Variants in IMMP2L observed in about 807,000 individuals in gnomAD.
IMMP2L encodes the protein mitochondrial inner membrane protease subunit 2.
Under a neutral mutation model 19.3 loss-of-function variants are expected in IMMP2L, and 18 were observed. That is an observed-to-expected ratio of 0.93 (90% confidence interval 0.64 to 1.38). The LOEUF (loss-of-function observed/expected upper bound fraction) is 1.38. IMMP2L is among the 40% of genes most tolerant of loss of function. The pLI is 0.00. For missense variants in IMMP2L, 233 were observed against 218.2 expected (o/e 1.07, Z -0.43); for synonymous variants, 76 against 73.0 (o/e 1.04, Z -0.21).
chr7:111,010,899 A>C (rs1824872934), intron 3 of IMMP2L, among the ~76,000 whole-genome samples: 1 of 151,882 alleles, frequency 6.6e-6, no homozygotes, highest in Non-Finnish European at 1.5e-5. Context: ...TTTGAGGTAT[A>C]GCCTCAAAGT....
Position 110,963,510 on chromosome 7 carries a change from C to G in IMMP2L, c.295G>C (p.Asp99His), listed in dbSNP as rs375735588. 3 of 1,598,992 alleles carry G rather than the reference C, an allele frequency of 1.9e-6. No homozygotes were observed. The highest frequency in any genetic ancestry group is 1.1e-5 in the South Asian group (1 of 90,042). Residue 99 changes from aspartate (D) to histidine (H), a missense_variant, in exon 4 of 6, where the codon GAT becomes CAT. Coordinates refer to ENST00000405709, the MANE Select transcript of IMMP2L (RefSeq NM_032549.4). ...ACAGTAAATACTTACCTGACAATAT[C>G]TCCTTCAAGAGCAATCACTCTCTTA... ...IIKRVIALEG[D>H]IVRTIGHKNR...
chr7:111,516,669 A>G (rs527905454), intron 2 of IMMP2L, among the ~76,000 whole-genome samples: 2 of 152,292 alleles, frequency 1.3e-5, no homozygotes, highest in South Asian at 4.1e-4. Context: ...TGTTTCAGGA[A>G]CACACGTTTG....
At chr7:111,421,133 T>C (rs564293373) in intron 3 of IMMP2L, among the ~76,000 whole-genome samples, 1 of 151,844 alleles carries the variant, frequency 6.6e-6, no homozygotes, top group Non-Finnish European at 1.5e-5. Flanking sequence ...CATTGTGGTT[T>C]TGATTTGCAT....
intron 3 of IMMP2L, among the ~76,000 whole-genome samples, chr7:111,351,808 G>A (rs1296833053): frequency 1.3e-5 from 2 of 152,126 alleles, no homozygotes; most frequent in African/African-American, 2.4e-5. Context: ...TTTCATAAAT[G>A]TTGTATCATA....
intron 5 of IMMP2L, among the ~76,000 whole-genome samples, chr7:110,719,060 T>TA (rs1337930567): frequency 6.6e-6 from 1 of 152,138 alleles, no homozygotes; most frequent in East Asian, 1.9e-4. Context: ...ACTCTGCCTT[T>TA]AGGAAACACT....
At chr7:111,315,682 C>T (rs993313555) in intron 3 of IMMP2L, among the ~76,000 whole-genome samples, 17 of 150,426 alleles carry the variant, frequency 1.1e-4, no homozygotes, top group Admixed American at 4.6e-4. Context: ...AATGAGACTA[C>T]GTCCATTTAA....
Position 110,984,655 on chromosome 7 carries a change from T to G in IMMP2L, c.240-21090A>C, listed in dbSNP as rs1192209324. Among the ~76,000 whole-genome samples the G allele has an allele frequency of 3.9e-5, 6 of 152,244 alleles. No homozygotes were observed. In the East Asian group the frequency reaches 1.2e-3, roughly 29 times the overall value. The stretch of plus-strand genomic sequence containing the variant: ...TAGTCAATGTTTAGGCTTATTTTAA[T>G]AAAAATATTTTGTTGATAAAAGACT... On this transcript the variant is annotated intron_variant, in intron 3 of 5. Coordinates refer to ENST00000405709, the MANE Select transcript of IMMP2L (RefSeq NM_032549.4).
intron 3 of IMMP2L, among the ~76,000 whole-genome samples, chr7:111,389,682 T>C (rs1284506092): frequency 1.3e-5 from 2 of 152,112 alleles, no homozygotes; most frequent in African/African-American, 4.8e-5. Context: ...TTCTTTGTAC[T>C]ATTCTTGCAA....
chr7:110,812,063 T>A (rs1170402373), intron 5 of IMMP2L, among the ~76,000 whole-genome samples: 1 of 152,018 alleles, frequency 6.6e-6, no homozygotes, highest in African/African-American at 2.4e-5. Flanking sequence ...ATATATTTGG[T>A]GATGGAATAA....
chr7:111,417,117 C>T (rs1835023264), intron 3 of IMMP2L, among the ~76,000 whole-genome samples: 1 of 151,790 alleles, frequency 6.6e-6, no homozygotes, highest in South Asian at 2.1e-4. Flanking sequence ...AGAAACAGTA[C>T]TTATTTGACA....
intron 5 of IMMP2L, among the ~76,000 whole-genome samples, chr7:110,690,941 A>T (rs1793453758): frequency 1.3e-5 from 2 of 152,132 alleles, no homozygotes; most frequent in Non-Finnish European, 1.5e-5. Context: ...AAATACCAAC[A>T]TCATTTTTCA....
chr7:110,719,009 C>A (rs184815015), intron 5 of IMMP2L, among the ~76,000 whole-genome samples: 1 of 152,178 alleles, frequency 6.6e-6, no homozygotes, highest in Non-Finnish European at 1.5e-5. Context: ...CCCCCTCCAA[C>A]CTATTCCCTG....
At chr7:110,929,299 G>T (rs1303297860) in intron 4 of IMMP2L, among the ~76,000 whole-genome samples, 1 of 152,092 alleles carries the variant, frequency 6.6e-6, no homozygotes, top group Non-Finnish European at 1.5e-5. Flanking sequence ...ATGAGAAGTT[G>T]CTTTCATCAT....
At chr7:110,812,343 T>C (rs1802101216) in intron 5 of IMMP2L, among the ~76,000 whole-genome samples, 1 of 152,038 alleles carries the variant, frequency 6.6e-6, no homozygotes, top group African/African-American at 2.4e-5. Context: ...TCATTTCTGA[T>C]CACCCTCTGC....
At chr7:110,816,868 G>A (rs1802568096) in intron 5 of IMMP2L, among the ~76,000 whole-genome samples, 1 of 152,026 alleles carries the variant, frequency 6.6e-6, no homozygotes, top group South Asian at 2.1e-4. Flanking sequence ...GTCTCTGCAC[G>A]TGAGATGGGT....
intron 5 of IMMP2L, among the ~76,000 whole-genome samples, chr7:110,791,664 C>T (rs1437275461): frequency 6.6e-6 from 1 of 151,772 alleles, no homozygotes; most frequent in African/African-American, 2.4e-5. Flanking sequence ...GATCAAAGAA[C>T]ATGACTCAGA....
At chr7:111,410,071 T>A (rs1834266557) in intron 3 of IMMP2L, among the ~76,000 whole-genome samples, 9 of 151,802 alleles carry the variant, frequency 5.9e-5, no homozygotes, top group Admixed American at 5.9e-4. Flanking sequence ...ATAAGAATAC[T>A]CATGAGGCTT....
At chr7:111,075,288 T>A (rs1351773215) in intron 3 of IMMP2L, among the ~76,000 whole-genome samples, 1 of 151,822 alleles carries the variant, frequency 6.6e-6, no homozygotes, top group African/African-American at 2.4e-5. Context: ...AACCATGCAC[T>A]GCTAATTTTT....
chr7:111,295,160 T>A (rs1821493452), intron 3 of IMMP2L, among the ~76,000 whole-genome samples: 1 of 151,956 alleles, frequency 6.6e-6, no homozygotes, highest in Non-Finnish European at 1.5e-5. Context: ...CTGAAGTTAC[T>A]ACTTACTTCA....
Sources: allele counts gnomAD v4.1 joint callset (sites outside exome capture counted in the v4.1 genomes callset), GRCh38; gene constraint gnomAD v4.1.1; transcripts MANE v1.5; gene names NCBI Gene and HGNC (gene_info 2026-07-23, HGNC 2026-07-21).